PPP1R9A: variants seen among roughly 807,000 people sequenced by gnomAD.
PPP1R9A encodes the protein neurabin-1.
A neutral mutation model predicts 141.9 loss-of-function variants in PPP1R9A; 59 were observed. The ratio of observed to expected loss-of-function variants is 0.42; its 90% CI spans 0.34 to 0.52. The LOEUF (loss-of-function observed/expected upper bound fraction) is 0.52, where lower values mean the gene tolerates loss of function less well. PPP1R9A is among the 20% of genes least tolerant of loss of function. The pLI is 0.10. For synonymous variants in PPP1R9A, 500 were observed against 569.7 expected, an observed-to-expected ratio of 0.88 and a Z score of 1.74; for missense variants, 1,444 against 1,611.9, an observed-to-expected ratio of 0.90 and a Z score of 1.78.
At chr7:95,071,521 G>A (rs1040928451) in intron 2 of PPP1R9A, among the ~76,000 whole-genome samples, 4 of 151,766 alleles carry the variant, frequency 2.6e-5, no homozygotes, top group Non-Finnish European at 4.4e-5. Flanking sequence ...TGGATGCGTG[G>A]GAAAAGAGGA....
At chr7:95,174,225 A>T (rs1832577831) in intron 5 of PPP1R9A, among the ~76,000 whole-genome samples, 1 of 152,082 alleles carries the variant, frequency 6.6e-6, no homozygotes, top group Admixed American at 6.6e-5. Context: ...ACCATGTATG[A>T]CTCTCAAAAC....
chr7:95,000,981 A>G (rs1411362545), intron 2 of PPP1R9A, among the ~76,000 whole-genome samples: 2 of 152,190 alleles, frequency 1.3e-5, no homozygotes, highest in African/African-American at 2.4e-5. Flanking sequence ...AATTGTAATT[A>G]TCTTGTGTAG....
chr7:94,978,378 G>A (rs1375396807), intron 2 of PPP1R9A, among the ~76,000 whole-genome samples: 1 of 152,174 alleles, frequency 6.6e-6, no homozygotes, highest in Non-Finnish European at 1.5e-5. Context: ...TATGTGACAT[G>A]TAAATGGCTA....
At chr7:95,118,427 C>A (rs1462936306) in intron 3 of PPP1R9A, among the ~76,000 whole-genome samples, 1 of 152,114 alleles carries the variant, frequency 6.6e-6, no homozygotes, top group Non-Finnish European at 1.5e-5. Flanking sequence ...TAAAGAGACA[C>A]CTATGCTTAG....
intron 12 of PPP1R9A, among the ~76,000 whole-genome samples, chr7:95,256,585 A>G (rs980593746): frequency 2.6e-5 from 4 of 152,142 alleles, no homozygotes; most frequent in African/African-American, 9.6e-5. Flanking sequence ...TTTCATCACT[A>G]AGTGTATTAC....
At position 94,911,478 on chromosome 7, in the gene PPP1R9A, G is replaced by A. The variant is rs1320801224; in HGVS notation, c.1365G>A (p.Arg455=). ...AAGAAGAAGAAATCCCAGCAAATAG[G>A]AAAATTAAGTTTAGTAGTGCTCCTA... is the stretch of plus-strand genomic sequence containing the variant. ...LPEEEEIPAN[R]KIKFSSAPIK... Residue 455 remains arginine (R), a synonymous_variant, in exon 2 of 20, where the codon AGG becomes AGA. Coordinates refer to ENST00000433360, the MANE Select transcript of PPP1R9A (RefSeq NM_001166160.2). 2 of 1,612,542 alleles carry A rather than the reference G, an allele frequency of 1.2e-6. No homozygotes were observed. The highest frequency in any genetic ancestry group is 2.2e-5 in the East Asian group (1 of 44,882).
At chr7:94,953,385 G>A (rs980521043) in intron 2 of PPP1R9A, among the ~76,000 whole-genome samples, 1 of 152,122 alleles carries the variant, frequency 6.6e-6, no homozygotes, top group Non-Finnish European at 1.5e-5. Flanking sequence ...TTTGAAGTCA[G>A]GTAGCATGAT....
intron 2 of PPP1R9A, among the ~76,000 whole-genome samples, chr7:94,988,660 A>G (rs543666996): frequency 6.6e-6 from 1 of 152,240 alleles, no homozygotes; most frequent in East Asian, 1.9e-4. Context: ...AGAAACGTCT[A>G]CTTTCTAAAA....
chr7:95,293,949 GCAGCCCTGAGAGAAC>G lies in PPP1R9A; in HGVS notation c.*3649_*3663del, dbSNP rs1806717124. 6.6e-6 allele frequency: 1 copy of G among 152,190 alleles called. No homozygotes were observed. Among genetic ancestry groups the G allele is most frequent in the South Asian group, 2.1e-4 (1 of 4,836 alleles). 9.4% of individuals were successfully genotyped at this position (152,190 alleles called of 1,614,324 possible). A position where few individuals can be genotyped will look rare whatever the true frequency, so the allele number is the denominator to read the frequency against. ...GAGGATTCTAAAGGAAGCTGCCCCA[GCAGCCCTGAGAGAAC>G]CATCTATACTTTGGATATGTTGTAG... On this transcript the variant is annotated 3_prime_UTR_variant, in exon 20 of 20. Transcript: ENST00000433360.
intron 2 of PPP1R9A, among the ~76,000 whole-genome samples, chr7:94,994,383 G>A (rs1271164902): frequency 1.3e-5 from 2 of 152,056 alleles, no homozygotes; most frequent in Admixed American, 6.5e-5. Context: ...TTGTGTTCAT[G>A]CCAAGATGCC....
chr7:95,159,711 C>T (rs746709527), intron 4 of PPP1R9A, among the ~76,000 whole-genome samples: 2 of 151,996 alleles, frequency 1.3e-5, no homozygotes, highest in African/African-American at 2.4e-5. Flanking sequence ...ATCACAAGGT[C>T]AGGAGTTCAA....
At chr7:95,260,981 C>G (rs1485335271) in intron 12 of PPP1R9A, among the ~76,000 whole-genome samples, 1 of 152,046 alleles carries the variant, frequency 6.6e-6, no homozygotes, top group African/African-American at 2.4e-5. Flanking sequence ...GTCTGGTTCA[C>G]CTGGTTCACC....
chr7:95,039,887 A>G (rs1162412164), intron 2 of PPP1R9A, among the ~76,000 whole-genome samples: 2 of 152,224 alleles, frequency 1.3e-5, no homozygotes, highest in African/African-American at 4.8e-5. Flanking sequence ...AATGACAGAT[A>G]GAAACCCACA....
At chr7:95,288,743 G>T in intron 19 of PPP1R9A, 25 bp downstream of exon 19, 1 of 1,606,270 alleles carries the variant, frequency 6.2e-7, no homozygotes, top group Non-Finnish European at 8.5e-7. Flanking sequence ...GTCTGTCTTA[G>T]GTTACCAGGT....
chr7:95,189,914 T>C (rs530759040), intron 5 of PPP1R9A, among the ~76,000 whole-genome samples: 1 of 152,290 alleles, frequency 6.6e-6, no homozygotes, highest in Non-Finnish European at 1.5e-5. Flanking sequence ...TTTTTCTTTA[T>C]GGTATCTGTT....
At chr7:95,065,306 A>G (rs143862675) in intron 2 of PPP1R9A, among the ~76,000 whole-genome samples, 5 of 152,206 alleles carry the variant, frequency 3.3e-5, no homozygotes, top group Non-Finnish European at 5.9e-5. Context: ...GCCCCAAGCA[A>G]TCCTCCCATG....
intron 2 of PPP1R9A, among the ~76,000 whole-genome samples, chr7:94,931,995 C>T (rs546695525): frequency 6.6e-6 from 1 of 152,276 alleles, no homozygotes; most frequent in South Asian, 2.1e-4. Context: ...GTTGCTGAGT[C>T]TTCAGTGACC....
chr7:95,177,467 A>G (rs1833065853), intron 5 of PPP1R9A, among the ~76,000 whole-genome samples: 1 of 152,050 alleles, frequency 6.6e-6, no homozygotes, highest in Admixed American at 6.6e-5. Context: ...AAGTTAACAA[A>G]CAAACAAAAA....
intron 4 of PPP1R9A, chr7:95,157,029 C>T (rs1829726978): frequency 6.6e-6 from 1 of 152,490 alleles, no homozygotes; most frequent in South Asian, 2.1e-4. Context: ...ACGAGTTTGC[C>T]CTCCAAATCA....
Sources: gnomAD v4.1 joint callset for allele counts (sites outside exome capture counted in the v4.1 genomes callset) on GRCh38, gnomAD v4.1.1 for gene constraint, MANE v1.5 for transcripts, NCBI Gene and HGNC (gene_info 2026-07-23, HGNC 2026-07-21) for gene names.